Variants in LRRFIP2 observed in about 807,000 individuals in gnomAD.
LRRFIP2 encodes leucine-rich repeat flightless-interacting protein 2.
Under a neutral mutation model 125.9 loss-of-function variants are expected in LRRFIP2, and 109 were observed. The observed-to-expected ratio is 0.87, with a 90% CI of 0.74 to 1.01. The LOEUF is 1.01. Among genes scored for constraint, LRRFIP2 ranks in the 50% least tolerant of loss-of-function variants. LRRFIP2 has a pLI of 0.00. For synonymous variants in LRRFIP2, 291 were observed against 293.1 expected, an observed-to-expected ratio of 0.99 and a Z score of 0.07; for missense variants, 850 against 862.3, an observed-to-expected ratio of 0.99 and a Z score of 0.18.
chr3:37,060,196 C>G lies in LRRFIP2; in HGVS notation c.1750-1286G>C, dbSNP rs1224189368. Among the ~76,000 whole-genome samples the G allele has an allele frequency of 6.6e-6, 1 of 152,206 alleles. No homozygotes were observed. The highest frequency in any genetic ancestry group is 1.5e-5 in the Non-Finnish European group (1 of 68,028). ...GAATTATCAGTCCATCATCAGCAAA[C>G]ACCCTCTGTCCTCAGTCTTTTCTGA... On this transcript the variant is annotated intron_variant, in intron 24 of 27. Coordinates refer to ENST00000336686, the MANE Select transcript of LRRFIP2 (RefSeq NM_006309.4). The surrounding 1 kb of genome is among the most constrained non-coding windows in gnomAD (Gnocchi z 4.1).
chr3:37,134,783 C>T (rs376662194), intron 2 of LRRFIP2: 2 of 800,066 alleles, frequency 2.5e-6, no homozygotes, highest in African/African-American at 3.4e-5. Flanking sequence ...GACCTAATGA[C>T]AGCCCATATC....
intron 4 of LRRFIP2, among the ~76,000 whole-genome samples, chr3:37,126,013 T>TTG (rs1553768086): frequency 2.9e-4 from 44 of 151,382 alleles, no homozygotes; most frequent in Admixed American, 6.6e-4. Flanking sequence ...AATCAGTTTT[T>TTG]TTGTTGTTGT....
chr3:37,094,678 T>A (rs113423761), intron 17 of LRRFIP2, 114 bp downstream of exon 17: 19 of 689,000 alleles, frequency 2.8e-5, no homozygotes, highest in Non-Finnish European at 4.3e-5. Context: ...ACTTATTTTT[T>A]AAAAAGAAAT....
chr3:37,110,999 A>T lies in LRRFIP2; in HGVS notation c.505T>A (p.Tyr169Asn). ...AAAAAGTTTAGACAAACCCGAGTGT[A>T]GTAGGCAGAGGTGGGTTTGCTATGT... ...LRHSKPTSAY[Y>N]TRQSSSLYSD... is the part of the protein sequence containing the mutation. The change falls in exon 9 of 28, where the codon TAC becomes AAC. Residue 169 changes from tyrosine (Y) to asparagine (N), a missense_variant. Tyr to Asn is a moderately radical substitution (Grantham distance 143, BLOSUM62 -2). Transcript: ENST00000336686. 8 of 1,613,736 alleles carry T rather than the reference A, an allele frequency of 5.0e-6. No homozygotes were observed. The highest frequency in any genetic ancestry group is 1.3e-5 in the African/African-American group (1 of 75,052).
At chr3:37,154,890 T>C (rs143759549) in intron 1 of LRRFIP2, among the ~76,000 whole-genome samples, 1 of 152,358 alleles carries the variant, frequency 6.6e-6, no homozygotes, top group East Asian at 1.9e-4. Flanking sequence ...AGTTCTTTTA[T>C]ATCTAAGTAT....
chr3:37,128,928 G>A, intron 3 of LRRFIP2, 135 bp downstream of exon 3: 1 of 769,300 alleles, frequency 1.3e-6, no homozygotes, highest in Non-Finnish European at 2.2e-6. Flanking sequence ...GCACAGAATG[G>A]CTTGATAAAA....
intron 2 of LRRFIP2, among the ~76,000 whole-genome samples, chr3:37,138,845 CCTTA>C (rs1207721449): frequency 1.3e-5 from 2 of 152,122 alleles, no homozygotes; most frequent in African/African-American, 2.4e-5. Flanking sequence ...CAATTTTTTT[CCTTA>C]CTAAGTTGAG....
intron 23 of LRRFIP2, 184 bp downstream of exon 23, chr3:37,065,626 T>C (rs1234678396): frequency 1.3e-6 from 1 of 748,868 alleles, no homozygotes. Context: ...GTGACCCAGA[T>C]GCTGATTTCC....
At chr3:37,140,905 C>T (rs530449451) in intron 2 of LRRFIP2, among the ~76,000 whole-genome samples, 1 of 152,246 alleles carries the variant, frequency 6.6e-6, no homozygotes, top group South Asian at 2.1e-4. Flanking sequence ...TCTATCCAGA[C>T]CTTCCTCTTT....
At chr3:37,149,375 A>G (rs753895323) in intron 1 of LRRFIP2, among the ~76,000 whole-genome samples, 5 of 151,968 alleles carry the variant, frequency 3.3e-5, no homozygotes, top group South Asian at 4.2e-4. Context: ...AAATTAGCCG[A>G]GCAGGGTGGT....
In LRRFIP2 at chr3:37,145,492, T is replaced by C. The variant is rs140849116; in HGVS notation, c.90+3402A>G. Reference sequence around the variant, plus strand: ...GGTTAATGATATTGTGCCATCTGAATTTTTTTCTCCAAATCCCTGTAAGTC... The same window carrying C: ...GGTTAATGATATTGTGCCATCTGAACTTTTTTCTCCAAATCCCTGTAAGTC... On this transcript the variant is annotated intron_variant, in intron 2 of 27. Transcript: ENST00000336686. 1.4e-3 allele frequency among the ~76,000 whole-genome samples: 217 copies of C among 152,320 alleles called. 2 individuals carry two copies. Among genetic ancestry groups the C allele is most frequent in the African/African-American group, 4.8e-3 (198 of 41,572 alleles).
chr3:37,091,935 C>T (rs2093464984), intron 17 of LRRFIP2, among the ~76,000 whole-genome samples: 1 of 151,870 alleles, frequency 6.6e-6, no homozygotes, highest in African/African-American at 2.4e-5. Context: ...GTAAAATATA[C>T]AGTAAATTAA....
intron 1 of LRRFIP2, among the ~76,000 whole-genome samples, chr3:37,164,580 G>A (rs2096429129): frequency 6.6e-6 from 1 of 152,072 alleles, no homozygotes; most frequent in African/African-American, 2.4e-5. Context: ...AGCCAGGCAT[G>A]CATGGTGGCA....
intron 9 of LRRFIP2, 29 bp downstream of exon 9, chr3:37,110,962 C>T: frequency 6.2e-7 from 1 of 1,604,418 alleles, no homozygotes; most frequent in South Asian, 1.1e-5. Flanking sequence ...GTGAATCAAA[C>T]ACATAAAGCC....
intron 18 of LRRFIP2, among the ~76,000 whole-genome samples, chr3:37,088,951 G>A (rs1228854526): frequency 1.3e-5 from 2 of 152,016 alleles, no homozygotes; most frequent in Admixed American, 1.3e-4. Flanking sequence ...AAGTGCTATT[G>A]GTTTGGTAGA....
intron 24 of LRRFIP2, among the ~76,000 whole-genome samples, chr3:37,059,785 C>CAA (rs78008596): frequency 6.9e-6 from 1 of 144,472 alleles, no homozygotes; most frequent in Admixed American, 6.9e-5. Context: ...GACTCTGTCT[C>CAA]AAAAAAAAAA....
chr3:37,165,857 G>A (rs966819388), intron 1 of LRRFIP2, among the ~76,000 whole-genome samples: 4 of 123,868 alleles, frequency 3.2e-5, no homozygotes, highest in Admixed American at 1.6e-4. Context: ...AAGAAAGAAA[G>A]AGAAAGAAAG....
chr3:37,126,940 T>C (rs375922357), intron 4 of LRRFIP2, among the ~76,000 whole-genome samples: 10 of 151,848 alleles, frequency 6.6e-5, no homozygotes, highest in African/African-American at 2.4e-4. Flanking sequence ...CCTTTAGGAA[T>C]TACAGACTAC....
intron 6 of LRRFIP2, among the ~76,000 whole-genome samples, chr3:37,117,794 A>ATTC (rs1472543935): frequency 2.0e-5 from 3 of 152,280 alleles, no homozygotes; most frequent in Admixed American, 2.0e-4. Context: ...GTCAAAAGTG[A>ATTC]ATGCATAACA....
Sources: allele counts gnomAD v4.1 joint callset (sites outside exome capture counted in the v4.1 genomes callset), GRCh38; gene constraint gnomAD v4.1.1; non-coding constraint Gnocchi (gnomAD v3.1); transcripts MANE v1.5; gene names NCBI Gene and HGNC (gene_info 2026-07-23, HGNC 2026-07-21).